Variants in OLA1 observed in about 807,000 individuals in gnomAD.
OLA1 encodes obg-like ATPase 1.
In OLA1, 14 loss-of-function variants were observed where a neutral mutation model predicts 48.4. That is an observed-to-expected ratio of 0.29 (90% confidence interval 0.19 to 0.45). The LOEUF (loss-of-function observed/expected upper bound fraction) is 0.45. Among genes scored for constraint, OLA1 ranks in the 20% least tolerant of loss-of-function variants. The probability of loss-of-function intolerance (pLI) is 1.00; values close to 1 mark genes in which losing one functional copy is unlikely to be tolerated. For synonymous variants in OLA1, 127 were observed against 150.4 expected, an observed-to-expected ratio of 0.84 and a Z score of 1.14; for missense variants, 325 against 467.1, an observed-to-expected ratio of 0.70 and a Z score of 2.80.
At chr2:174,244,445 T>C (rs1689082262) in intron 2 of OLA1, among the ~76,000 whole-genome samples, 1 of 152,072 alleles carries the variant, frequency 6.6e-6, no homozygotes, top group East Asian at 1.9e-4. Flanking sequence ...CATTATGCTC[T>C]ATGACTAAAA....
chr2:174,217,890 C>G (rs1688403163), intron 4 of OLA1: 1 of 152,112 alleles, frequency 6.6e-6, no homozygotes, highest in Non-Finnish European at 1.5e-5. Context: ...TAAAATTAGT[C>G]CACATTTGCT....
chr2:174,075,528 C>A lies in OLA1; in HGVS notation c.1090-1G>T, dbSNP rs745927302. ...CTTGTTGTCTGTACTTTCCAGCAGC[C>A]TGCAAACAGAAAATATAGAGGAAAT... is the stretch of plus-strand genomic sequence containing the variant. On this transcript the variant is annotated splice_acceptor_variant, in intron 10 of 10. Transcript: ENST00000284719. LOFTEE classifies it high-confidence loss of function. 6.3e-7 allele frequency: 1 copy of A among 1,588,292 alleles called. No homozygotes were observed. Among genetic ancestry groups the A allele is most frequent in the Non-Finnish European group, 8.6e-7 (1 of 1,158,138 alleles).
intron 10 of OLA1, among the ~76,000 whole-genome samples, chr2:174,077,305 T>C (rs1393992487): frequency 6.6e-6 from 1 of 151,936 alleles, no homozygotes; most frequent in Non-Finnish European, 1.5e-5. Flanking sequence ...TATGCTGCAC[T>C]GGTGTTAGAA....
chr2:174,190,314 G>C (rs1687746652), intron 4 of OLA1, among the ~76,000 whole-genome samples: 1 of 151,884 alleles, frequency 6.6e-6, no homozygotes, highest in Non-Finnish European at 1.5e-5. Flanking sequence ...ATTTAAATTT[G>C]TTTAGTATTT....
chr2:174,171,540 G>GA (rs150550135), intron 4 of OLA1, among the ~76,000 whole-genome samples: 7,291 of 152,154 alleles, frequency 0.048, 612 homozygotes, highest in African/African-American at 0.17. Context: ...AGTCACAAGA[G>GA]AAATAAGGAA....
At chr2:174,147,623 T>C (rs566653165) in intron 4 of OLA1, among the ~76,000 whole-genome samples, 2 of 152,302 alleles carry the variant, frequency 1.3e-5, no homozygotes, top group Admixed American at 1.3e-4. Context: ...CTATTTGAAA[T>C]AGCACATACA....
At chr2:174,112,564 A>C (rs1685677926) in intron 7 of OLA1, among the ~76,000 whole-genome samples, 1 of 152,186 alleles carries the variant, frequency 6.6e-6, no homozygotes, top group Admixed American at 6.5e-5. Flanking sequence ...GGGATTGGGA[A>C]GTGGGACCTT....
intron 4 of OLA1, among the ~76,000 whole-genome samples, chr2:174,143,934 T>C (rs1395897497): frequency 3.9e-5 from 6 of 152,170 alleles, no homozygotes; most frequent in African/African-American, 1.4e-4. Flanking sequence ...ATCCTGTCTC[T>C]ACAAGAAATT....
At chr2:174,165,301 T>A (rs1687137072) in intron 4 of OLA1, among the ~76,000 whole-genome samples, 1 of 152,146 alleles carries the variant, frequency 6.6e-6, no homozygotes, top group Non-Finnish European at 1.5e-5. Flanking sequence ...ATAAGGTATA[T>A]TCAGAAAACA....
chr2:174,089,772 C>T (rs1685064211), intron 7 of OLA1, among the ~76,000 whole-genome samples: 1 of 151,712 alleles, frequency 6.6e-6, no homozygotes, highest in Non-Finnish European at 1.5e-5. Context: ...CATGGTAGCC[C>T]ATGCCTGTAG....
intron 7 of OLA1, among the ~76,000 whole-genome samples, chr2:174,107,331 G>C (rs1257086218): frequency 6.6e-6 from 1 of 152,016 alleles, no homozygotes; most frequent in African/African-American, 2.4e-5. Context: ...CGCTCTATTA[G>C]CCACAAAGAA....
intron 5 of OLA1, among the ~76,000 whole-genome samples, chr2:174,139,927 T>C (rs1270047267): frequency 3.3e-5 from 5 of 150,214 alleles, no homozygotes; most frequent in African/African-American, 1.2e-4. Context: ...TCAGAGTATA[T>C]CTACCTTGCT....
intron 2 of OLA1, among the ~76,000 whole-genome samples, chr2:174,233,406 A>G (rs1035443179): frequency 6.6e-6 from 1 of 152,156 alleles, no homozygotes; most frequent in South Asian, 2.1e-4. Flanking sequence ...ACAGAATCTC[A>G]CTCTGTCACC....
Position 174,074,205 on chromosome 2 carries a change from G to T in OLA1, c.*1221C>A, listed in dbSNP as rs1381478529. 6.6e-6 allele frequency: 1 copy of T among 152,154 alleles called. No individual in the cohort carries two copies. 9.4% of individuals were successfully genotyped at this position (152,154 alleles called of 1,614,324 possible). A position where few individuals can be genotyped will look rare whatever the true frequency, so the allele number is the denominator to read the frequency against. ...GCAAAGGCTGGCTGGGTATGAATCT[G>T]CATTCCATGGAAATGGTCCTGTGAT... On this transcript the variant is annotated 3_prime_UTR_variant, in exon 11 of 11. Transcript: ENST00000284719.
At chr2:174,222,400 C>T (rs539504514) in intron 4 of OLA1, among the ~76,000 whole-genome samples, 54 of 152,232 alleles carry the variant, frequency 3.5e-4, no homozygotes, top group African/African-American at 1.3e-3. Flanking sequence ...TATTAATTTG[C>T]TCATTATAAT....
At chr2:174,218,171 G>A (rs1160688459) in intron 4 of OLA1, among the ~76,000 whole-genome samples, 1 of 151,930 alleles carries the variant, frequency 6.6e-6, no homozygotes, top group African/African-American at 2.4e-5. Context: ...CACTGCAACT[G>A]GCTTTGAATT....
At chr2:174,144,402 G>C (rs1047378786) in intron 4 of OLA1, among the ~76,000 whole-genome samples, 7 of 151,940 alleles carry the variant, frequency 4.6e-5, no homozygotes, top group Non-Finnish European at 1.0e-4. Context: ...CAAATATTAA[G>C]ATAAAAATTA....
rs138145877 is a variant in OLA1, at chr2:174,192,901, C to T, written c.373+30132G>A. Among the ~76,000 whole-genome samples, 20 of 152,110 alleles carry T rather than the reference C, an allele frequency of 1.3e-4. No homozygotes were observed. In the East Asian group the frequency reaches 2.1e-3, roughly 16 times the overall value. On this transcript the variant is annotated intron_variant, in intron 4 of 10. Coordinates refer to ENST00000284719, the MANE Select transcript of OLA1 (RefSeq NM_013341.5). ...CTATACATAATGTTACCTTTTTCTC[C>T]GGGTGCCTTAGAGATTTTCTTTTTA...
intron 4 of OLA1, among the ~76,000 whole-genome samples, chr2:174,160,382 T>G (rs536729923): frequency 1.3e-5 from 2 of 152,214 alleles, no homozygotes; most frequent in Non-Finnish European, 1.5e-5. Flanking sequence ...TAACAAGGCA[T>G]ATAAATGCCA....
Sources: gnomAD v4.1 joint callset for allele counts (sites outside exome capture counted in the v4.1 genomes callset) on GRCh38, gnomAD v4.1.1 for gene constraint, MANE v1.5 for transcripts, NCBI Gene and HGNC (gene_info 2026-07-23, HGNC 2026-07-21) for gene names.